The following NID2 variants were observed in gnomAD, a reference collection of about 807,000 sequenced individuals.
NID2 encodes the protein nidogen-2.
In NID2, 83 loss-of-function variants were observed where a neutral mutation model predicts 145.4. The ratio of observed to expected loss-of-function variants is 0.57; its 90% CI spans 0.48 to 0.69. The LOEUF (loss-of-function observed/expected upper bound fraction) is 0.69. NID2 is among the 30% of genes least tolerant of loss of function. The pLI is 0.00. For missense variants in NID2, 1,807 were observed against 1,765.7 expected (o/e 1.02, Z -0.42); for synonymous variants, 739 against 701.3 (o/e 1.05, Z -0.85).
rs148408306 is a variant in NID2, at chr14:52,027,346, T to C, written c.2531-2A>G. 6.6e-4 allele frequency: 1,016 copies of C among 1,546,560 alleles called. No individual in the cohort carries two copies. The highest frequency in any genetic ancestry group is 7.8e-4 in the Non-Finnish European group (895 of 1,148,834). The stretch of plus-strand genomic sequence containing the variant: ...AGGGGTTGGCAGGTGGGGTGATCAC[T>C]GAAAAGAGAAGAAGATAAGGGCATC... On this transcript the variant is annotated splice_acceptor_variant, in intron 11 of 21. Coordinates refer to ENST00000216286, the MANE Select transcript of NID2 (RefSeq NM_007361.4). LOFTEE classifies it high-confidence loss of function.
At chr14:52,030,614 AAAAG>A (rs59159214) in intron 9 of NID2, among the ~76,000 whole-genome samples, 22,006 of 133,094 alleles carry the variant, frequency 0.17, 3,018 homozygotes, top group East Asian at 0.46. Flanking sequence ...AAGAGAAAGA[AAAAG>A]AAAGAAAGAG....
At chr14:52,010,561 T>G in intron 18 of NID2, 1 of 212,322 alleles carries the variant, frequency 4.7e-6, no homozygotes, top group South Asian at 9.9e-5. Context: ...AGCTGAGGCC[T>G]CGCCTGATCA....
At position 52,029,675 on chromosome 14, in the gene NID2, G is replaced by A; in HGVS notation, c.2273C>T (p.Thr758Ile). ...IGPVKEDSDPTPGNPCYDGSH... is the reference protein window; with the variant it reads ...IGPVKEDSDPIPGNPCYDGSH... Reference sequence around the variant, plus strand: ...CCCATCATAGCAAGGATTCCCCGGAGTGGGGTCTGAATCCTCTGCATGAGT... The same window carrying A: ...CCCATCATAGCAAGGATTCCCCGGAATGGGGTCTGAATCCTCTGCATGAGT... Residue 758 changes from threonine to isoleucine, a missense_variant, in exon 10 of 22, where the codon ACT becomes ATT. Coordinates refer to ENST00000216286, the MANE Select transcript of NID2 (RefSeq NM_007361.4). 2 of 1,613,920 alleles carry A rather than the reference G, an allele frequency of 1.2e-6. No homozygotes were observed. Among genetic ancestry groups the A allele is most frequent in the Non-Finnish European group, 1.7e-6 (2 of 1,179,802 alleles).
At position 52,008,336 on chromosome 14, in the gene NID2, A is replaced by G. The variant is rs73284352; in HGVS notation, c.3723-369T>C. 5.7e-3 allele frequency: 947 copies of G among 167,112 alleles called. 8 individuals are homozygous for G. The highest frequency in any genetic ancestry group is 0.022 in the African/African-American group (907 of 41,930). 10.4% of individuals were successfully genotyped at this position (167,112 alleles called of 1,614,324 possible). On this transcript the variant is annotated intron_variant, in intron 18 of 21. Coordinates refer to ENST00000216286, the MANE Select transcript of NID2 (RefSeq NM_007361.4). ...AGTCTTGCCTGTAGCCCATGTGAGC[A>G]TGCTTGGGCTGTGTCTTCCCCGAGC...
intron 20 of NID2, 97 bp downstream of exon 20, chr14:52,006,440 A>T: frequency 7.1e-7 from 1 of 1,416,842 alleles, no homozygotes. Context: ...CAGAGGGCTT[A>T]ATGAGTCAAG....
At chr14:52,047,574 G>C (rs1226254767) in intron 5 of NID2, among the ~76,000 whole-genome samples, 1 of 152,154 alleles carries the variant, frequency 6.6e-6, no homozygotes, top group Non-Finnish European at 1.5e-5. Flanking sequence ...GACAGGAGCT[G>C]GTCCCTTGGT....
At position 52,059,022 on chromosome 14, in the gene NID2, G is replaced by A. The variant is rs1892942728; in HGVS notation, c.767+1102C>T. On this transcript the variant is annotated intron_variant, in intron 3 of 21. Coordinates refer to ENST00000216286, the MANE Select transcript of NID2 (RefSeq NM_007361.4). ...AAGGACTCAGCATAAGATAAAATAA[G>A]TAGTTCAGCACTCCAGACTTGAGCT... Among the ~76,000 whole-genome samples, 3 of 152,066 alleles carry A rather than the reference G, an allele frequency of 2.0e-5. No homozygotes were observed. In the South Asian group the frequency reaches 6.2e-4, roughly 32 times the overall value.
intron 19 of NID2, chr14:52,006,900 C>T (rs1321927221): frequency 2.9e-6 from 1 of 344,178 alleles, no homozygotes; most frequent in African/African-American, 2.1e-5. Context: ...TGGTAAGTTT[C>T]TGCCAAAGTA....
chr14:52,014,299 C>T lies in NID2; in HGVS notation c.3408G>A (p.Leu1136=), dbSNP rs1566743869. 2 of 1,614,242 alleles carry T rather than the reference C, an allele frequency of 1.2e-6. No homozygotes were observed. Among genetic ancestry groups the T allele is most frequent in the South Asian group, 1.1e-5 (1 of 91,088 alleles). The change falls in exon 16 of 22, where the codon CTG becomes CTA. Residue 1136 remains leucine (L), a synonymous_variant. Transcript: ENST00000216286. ...AAATCCACTTTACATGCAGAGACAG[C>T]AGGGTCTTAGCTGCATCCTTCTGAA... ...TRLQKDAAKT[L]LSLHGSIIVG...
intron 7 of NID2, 116 bp downstream of exon 7, chr14:52,041,989 T>C (rs1490808018): frequency 7.7e-7 from 1 of 1,298,834 alleles, no homozygotes; most frequent in African/African-American, 1.5e-5. Flanking sequence ...CATGTGGCTC[T>C]AGTACATTAA....
intron 9 of NID2, among the ~76,000 whole-genome samples, chr14:52,037,585 T>C (rs918371621): frequency 2.0e-5 from 3 of 152,242 alleles, no homozygotes; most frequent in Admixed American, 1.3e-4. Flanking sequence ...GTTTGAGAAA[T>C]ACAAGTCTGA....
In NID2 at chr14:52,005,286, T is replaced by G. The variant is rs1890721441; in HGVS notation, c.*200A>C. The stretch of plus-strand genomic sequence containing the variant: ...CCTTTTTAAACTTGCAATAACAACC[T>G]TCATTTTTAAAAATACAGTAGTAAA... On this transcript the variant is annotated 3_prime_UTR_variant, in exon 22 of 22. Transcript: ENST00000216286. 7.1e-6 allele frequency: 3 copies of G among 420,980 alleles called. No individual in the cohort carries two copies. The East Asian group carries it at 1.1e-4, about 15-fold the overall frequency. The allele number at this position is 420,980 out of a possible 1,614,324, so 26.1% of individuals were successfully genotyped here.
At chr14:52,039,938 G>A (rs1892215147) in intron 8 of NID2, among the ~76,000 whole-genome samples, 1 of 152,052 alleles carries the variant, frequency 6.6e-6, no homozygotes, top group African/African-American at 2.4e-5. Flanking sequence ...TAGCATCTCT[G>A]TGTTTTTTGG....
chr14:52,068,031 G>C lies in NID2; in HGVS notation c.361C>G (p.Arg121Gly). Residue 121 changes from arginine (R) to glycine (G), a missense_variant, in exon 2 of 22, where the codon CGA becomes GGA. Arg to Gly is a moderately radical substitution (Grantham distance 125, BLOSUM62 -2). Coordinates refer to ENST00000216286, the MANE Select transcript of NID2 (RefSeq NM_007361.4). ...ADIDTSHGRG[R>G]VLYREDTSPA... Reference sequence around the variant, plus strand: ...GAGGTGTCCTCTCGGTACAGGACTCGGCCTCTGCCGTGGCTCGTGTCGATG... The same window carrying C: ...GAGGTGTCCTCTCGGTACAGGACTCCGCCTCTGCCGTGGCTCGTGTCGATG... 8 of 1,613,954 alleles carry C rather than the reference G, an allele frequency of 5.0e-6. No individual in the cohort carries two copies. The highest frequency in any genetic ancestry group is 6.8e-6 in the Non-Finnish European group (8 of 1,179,920).
chr14:52,020,544 C>T (rs985557835), intron 12 of NID2, among the ~76,000 whole-genome samples: 1 of 152,158 alleles, frequency 6.6e-6, no homozygotes, highest in Non-Finnish European at 1.5e-5. Flanking sequence ...TTCCTTTCAG[C>T]AATGCTGCAA....
chr14:52,025,620 G>C (rs2140369896), intron 12 of NID2, among the ~76,000 whole-genome samples: 1 of 152,332 alleles, frequency 6.6e-6, no homozygotes, highest in South Asian at 2.1e-4. Flanking sequence ...CCTTCCTGCT[G>C]GTTGGGACTC....
intron 9 of NID2, among the ~76,000 whole-genome samples, chr14:52,035,616 G>A (rs1329074276): frequency 6.6e-6 from 1 of 152,002 alleles, no homozygotes; most frequent in African/African-American, 2.4e-5. Context: ...TGGGATTACA[G>A]GTGTAAGCCA....
intron 2 of NID2, among the ~76,000 whole-genome samples, chr14:52,063,558 A>T (rs1157457129): frequency 6.6e-6 from 1 of 152,236 alleles, no homozygotes; most frequent in Non-Finnish European, 1.5e-5. Context: ...AACTGCAGCT[A>T]TCTGGACAAA....
Position 52,005,440 on chromosome 14 carries a change from C to A in NID2, c.*46G>T, listed in dbSNP as rs769793267. The A allele has an allele frequency of 1.9e-6, 3 of 1,544,856 alleles. No homozygotes were observed. The highest frequency in any genetic ancestry group is 1.7e-6 in the Non-Finnish European group (2 of 1,148,858). On this transcript the variant is annotated 3_prime_UTR_variant, in exon 22 of 22. Coordinates refer to ENST00000216286, the MANE Select transcript of NID2 (RefSeq NM_007361.4). ...CTTTGCAGTCACTGTTCTTTAGGGT[C>A]CAGGTTCTGATTGTAAACTCCAAGT...
Sources: allele counts gnomAD v4.1 joint callset (sites outside exome capture counted in the v4.1 genomes callset), GRCh38; gene constraint gnomAD v4.1.1; transcripts MANE v1.5; gene names NCBI Gene and HGNC (gene_info 2026-07-23, HGNC 2026-07-21).